GALK2: variants seen among roughly 807,000 people sequenced by gnomAD.
GALK2 encodes galactokinase 2, also known as N-acetylgalactosamine kinase.
Under a neutral mutation model 52.4 loss-of-function variants are expected in GALK2, and 36 were observed. That is an observed-to-expected ratio of 0.69 (90% confidence interval 0.53 to 0.91). The LOEUF (loss-of-function observed/expected upper bound fraction) is 0.91. Ranked by LOEUF, GALK2 falls within the 40% of genes least tolerant of loss-of-function variation. GALK2 has a pLI of 0.00. For synonymous variants in GALK2, 176 were observed against 199.1 expected (o/e 0.88, Z 0.98); for missense variants, 579 against 559.1 (o/e 1.04, Z -0.36).
chr15:49,211,610 A>G (rs142692662), intron 2 of GALK2, among the ~76,000 whole-genome samples: 2,885 of 152,318 alleles, frequency 0.019, 47 homozygotes, highest in Middle Eastern at 0.031. Flanking sequence ...AAGAGGTTTA[A>G]TTGGCTCACA....
intron 5 of GALK2, among the ~76,000 whole-genome samples, chr15:49,264,188 C>T (rs957503924): frequency 8.6e-5 from 13 of 151,812 alleles, no homozygotes; most frequent in Non-Finnish European, 1.0e-4. Context: ...TCCATTCTCC[C>T]CATCACTTTC....
intron 3 of GALK2, among the ~76,000 whole-genome samples, chr15:49,344,996 A>G (rs1381500893): frequency 1.3e-5 from 2 of 152,208 alleles, no homozygotes; most frequent in Non-Finnish European, 2.9e-5. Context: ...TGAGCTGCTT[A>G]AACTTTATTT....
intron 1 of GALK2, among the ~76,000 whole-genome samples, chr15:49,185,023 C>T (rs2086246467): frequency 6.6e-6 from 1 of 151,802 alleles, no homozygotes; most frequent in African/African-American, 2.4e-5. Context: ...ACATGTGCAC[C>T]TTTGTTATAT....
chr15:49,201,307 T>C, intron 2 of GALK2, 57 bp downstream of exon 2: 1 of 897,328 alleles, frequency 1.1e-6, no homozygotes, highest in Non-Finnish European at 1.7e-6. Flanking sequence ...AAGATCTAAA[T>C]TTTTAAAAAT....
chr15:49,164,212 A>G (rs2084743480), intron 1 of GALK2, among the ~76,000 whole-genome samples: 1 of 152,180 alleles, frequency 6.6e-6, no homozygotes, highest in Non-Finnish European at 1.5e-5. Context: ...AGTATGATTA[A>G]GCATTGAAGG....
chr15:49,355,207 T>C (rs1273345653), intron 3 of GALK2, among the ~76,000 whole-genome samples: 1 of 152,126 alleles, frequency 6.6e-6, no homozygotes, highest in Admixed American at 6.5e-5. Context: ...AGGAACGCAG[T>C]TCCTCACCAG....
intron 7 of GALK2, among the ~76,000 whole-genome samples, chr15:49,287,002 G>T (rs1371072001): frequency 6.6e-6 from 1 of 152,182 alleles, no homozygotes; most frequent in Non-Finnish European, 1.5e-5. Flanking sequence ...GATACAAGAA[G>T]AAAATGATGG....
chr15:49,275,470 T>C (rs908030928), intron 5 of GALK2, among the ~76,000 whole-genome samples: 20 of 152,344 alleles, frequency 1.3e-4, no homozygotes, highest in African/African-American at 4.6e-4. Flanking sequence ...ATTTAAATGA[T>C]TGTTGAATGA....
At chr15:49,217,973 T>G (rs2089515386) in intron 3 of GALK2, among the ~76,000 whole-genome samples, 1 of 152,246 alleles carries the variant, frequency 6.6e-6, no homozygotes, top group Non-Finnish European at 1.5e-5. Context: ...TGAATTAGTC[T>G]GACGAATTTT....
chr15:49,162,870 G>C (rs1294399293), intron 1 of GALK2, among the ~76,000 whole-genome samples: 1 of 152,188 alleles, frequency 6.6e-6, no homozygotes, highest in African/African-American at 2.4e-5. Flanking sequence ...CCCCAGTTGA[G>C]CCTCAAATAA....
intron 3 of GALK2, among the ~76,000 whole-genome samples, chr15:49,354,287 G>A (rs575337860): frequency 2.0e-5 from 3 of 152,324 alleles, no homozygotes; most frequent in African/African-American, 7.2e-5. Flanking sequence ...AGCTCCCAGC[G>A]TGAGCGACGC....
At chr15:49,239,979 A>T (rs376861157) in intron 5 of GALK2, among the ~76,000 whole-genome samples, 1 of 152,278 alleles carries the variant, frequency 6.6e-6, no homozygotes, top group African/African-American at 2.4e-5. Flanking sequence ...AAATGTTATC[A>T]TAGGTTCTTT....
chr15:49,360,409 T>C (rs567551490), intron 3 of GALK2, among the ~76,000 whole-genome samples: 2 of 152,320 alleles, frequency 1.3e-5, no homozygotes, highest in African/African-American at 4.8e-5. Flanking sequence ...ACACTTTTCT[T>C]TTTAACGAGA....
At chr15:49,159,900 A>G (rs1341875242) in intron 1 of GALK2, among the ~76,000 whole-genome samples, 2 of 152,192 alleles carry the variant, frequency 1.3e-5, no homozygotes, top group Admixed American at 1.3e-4. Flanking sequence ...ATCATGACAC[A>G]TCACTCCTAA....
chr15:49,284,398 G>A (rs903338100), intron 7 of GALK2, among the ~76,000 whole-genome samples: 1 of 152,190 alleles, frequency 6.6e-6, no homozygotes, highest in Non-Finnish European at 1.5e-5. Context: ...TGGTTAATAT[G>A]TGATCAGATA....
chr15:49,350,224 G>A (rs925730967), intron 3 of GALK2, among the ~76,000 whole-genome samples: 6 of 152,122 alleles, frequency 3.9e-5, no homozygotes, highest in Non-Finnish European at 7.4e-5. Context: ...AGTCACATAT[G>A]GTTAATGAGC....
intron 8 of GALK2, among the ~76,000 whole-genome samples, chr15:49,308,226 C>G (rs193164546): frequency 5.3e-5 from 8 of 152,266 alleles, no homozygotes; most frequent in Admixed American, 3.3e-4. Flanking sequence ...AGTGGTTTTC[C>G]TCATCCATCT....
intron 2 of GALK2, among the ~76,000 whole-genome samples, chr15:49,213,759 C>T (rs1010898183): frequency 7.9e-5 from 12 of 152,044 alleles, no homozygotes; most frequent in African/African-American, 2.9e-4. Flanking sequence ...GTCCTCTCTT[C>T]CTTCCTTCTT....
chr15:49,243,538 TAAGC>T (rs1354507566), intron 5 of GALK2, among the ~76,000 whole-genome samples: 1 of 152,112 alleles, frequency 6.6e-6, no homozygotes, highest in East Asian at 1.9e-4. Context: ...AAGCTTCTAA[TAAGC>T]TTTTTAGTGA....
Sources: gnomAD v4.1 joint callset for allele counts (sites outside exome capture counted in the v4.1 genomes callset) on GRCh38, gnomAD v4.1.1 for gene constraint, MANE v1.5 for transcripts, NCBI Gene and HGNC (gene_info 2026-07-23, HGNC 2026-07-21) for gene names.